Variants in WDR64 observed in about 807,000 individuals in gnomAD.
WDR64 encodes the protein WD repeat-containing protein 64.
In WDR64, 112 loss-of-function variants were observed where a neutral mutation model predicts 139.3. The observed-to-expected ratio is 0.80, with a 90% CI of 0.69 to 0.94. The LOEUF is 0.94. Ranked by LOEUF, WDR64 falls within the 40% of genes least tolerant of loss-of-function variation. The pLI, the probability that WDR64 is intolerant of heterozygous loss-of-function variation, is 0.00. For missense variants in WDR64, 1,206 were observed against 1,293.1 expected (o/e 0.93, Z 1.03); for synonymous variants, 444 against 437.7 (o/e 1.01, Z -0.18).
chr1:241,793,167 T>C (rs1659256478), intron 25 of WDR64, among the ~76,000 whole-genome samples: 2 of 152,162 alleles, frequency 1.3e-5, no homozygotes, highest in Admixed American at 1.3e-4. Context: ...CAGTCAAAAA[T>C]AGGCAAAACA....
At chr1:241,728,903 A>T (rs1280401292) in intron 10 of WDR64, among the ~76,000 whole-genome samples, 1 of 151,902 alleles carries the variant, frequency 6.6e-6, no homozygotes, top group Non-Finnish European at 1.5e-5. Context: ...AAAAGTTGCT[A>T]ATTTTCGTAC....
Position 241,795,249 on chromosome 1 carries a change from GAGGC to G in WDR64, c.3044_3047del (p.Ala1015GlyfsTer18). ...GGAAGGTTTCGTGACTGAAAACAGA[GAGGC>G]AGGGATTGTTTTCGGCTCTCTGCCT... On this transcript the variant is annotated frameshift_variant, in exon 26 of 28. Coordinates refer to ENST00000437684, the MANE Select transcript of WDR64 (RefSeq NM_001367482.1). LOFTEE classifies it high-confidence loss of function. The G allele has an allele frequency of 6.2e-7, 1 of 1,613,906 alleles. No individual in the cohort carries two copies. The highest frequency in any genetic ancestry group is 8.5e-7 in the Non-Finnish European group (1 of 1,179,916).
At chr1:241,672,157 A>T (rs1426632581) in intron 3 of WDR64, among the ~76,000 whole-genome samples, 1 of 152,182 alleles carries the variant, frequency 6.6e-6, no homozygotes, top group Non-Finnish European at 1.5e-5. Context: ...CCTGGGTGAC[A>T]GAGACTCTGT....
Position 241,679,468 on chromosome 1 carries a change from C to A in WDR64, c.514-17C>A, listed in dbSNP as rs1478481312. ...AGGAAATGCATTATATCCCCCAATT[C>A]TCTGCTTTTCTATCAGGACACCTCC... On this transcript the variant is annotated splice_polypyrimidine_tract_variant and intron_variant, in intron 5 of 27. Coordinates refer to ENST00000437684, the MANE Select transcript of WDR64 (RefSeq NM_001367482.1). 4.5e-5 allele frequency: 70 copies of A among 1,547,262 alleles called. No homozygotes were observed. Among genetic ancestry groups the A allele is most frequent in the Non-Finnish European group, 5.7e-5 (65 of 1,142,714 alleles).
intron 8 of WDR64, among the ~76,000 whole-genome samples, chr1:241,708,689 A>G (rs1360118139): frequency 1.0e-5 from 1 of 98,564 alleles, no homozygotes; most frequent in Non-Finnish European, 2.0e-5. Context: ...GCTGAGGTCC[A>G]TGGTTTTTTT....
chr1:241,711,963 C>T (rs1668188113), intron 9 of WDR64, 82 bp downstream of exon 9: 1 of 1,313,224 alleles, frequency 7.6e-7, no homozygotes, highest in Non-Finnish European at 1.1e-6. Context: ...AGGAAGAACA[C>T]ATTAGGGAAT....
intron 4 of WDR64, among the ~76,000 whole-genome samples, chr1:241,676,749 T>G (rs1181835340): frequency 2.0e-5 from 3 of 150,842 alleles, no homozygotes; most frequent in Admixed American, 2.0e-4. Context: ...TTAATGGTTT[T>G]TTTTTTTTTT....
At chr1:241,687,712 A>T in intron 8 of WDR64, 117 bp downstream of exon 8, 1 of 1,059,048 alleles carries the variant, frequency 9.4e-7, no homozygotes, top group Non-Finnish European at 1.3e-6. Flanking sequence ...GACATTAACT[A>T]TTCCATTTGT....
In WDR64 at chr1:241,801,249, A is replaced by T; in HGVS notation, c.*34A>T. 6.3e-7 allele frequency: 1 copy of T among 1,583,454 alleles called. No individual in the cohort carries two copies. Among genetic ancestry groups the T allele is most frequent in the Non-Finnish European group, 8.7e-7 (1 of 1,152,732 alleles). ...AATCAGAAATGGCTGCTGCACATAA[A>T]ATGGCAACGTTTGGATGATACCTGC... is the stretch of plus-strand genomic sequence containing the variant. On this transcript the variant is annotated 3_prime_UTR_variant, in exon 28 of 28. Coordinates refer to ENST00000437684, the MANE Select transcript of WDR64 (RefSeq NM_001367482.1).
chr1:241,798,628 T>C (rs150768619), intron 27 of WDR64, among the ~76,000 whole-genome samples: 11 of 152,286 alleles, frequency 7.2e-5, no homozygotes, highest in Middle Eastern at 3.4e-3. Context: ...ATGAAACAAA[T>C]ATTTATGGAA....
intron 27 of WDR64, among the ~76,000 whole-genome samples, chr1:241,799,493 T>G (rs1659464563): frequency 6.6e-6 from 1 of 152,170 alleles, no homozygotes; most frequent in African/African-American, 2.4e-5. Context: ...ATCTTTATTT[T>G]CAAATCAATG....
chr1:241,801,902 A>C lies in WDR64; in HGVS notation c.*687A>C, dbSNP rs1016995994. On this transcript the variant is annotated 3_prime_UTR_variant, in exon 28 of 28. Transcript: ENST00000437684. ...ATAGGTTAAAGTATGCAAGTTTAAA[A>C]GGTTGTCAGAATGGATTAAAAAAAC... 1 of 398,076 alleles carries C rather than the reference A, an allele frequency of 2.5e-6. No homozygotes were observed. Among genetic ancestry groups the C allele is most frequent in the Admixed American group, 4.4e-5 (1 of 22,714 alleles). The allele number at this position is 398,076 out of a possible 1,614,324, so 24.7% of individuals were successfully genotyped here.
chr1:241,789,346 A>T (rs1358107683), intron 24 of WDR64, among the ~76,000 whole-genome samples: 4 of 152,230 alleles, frequency 2.6e-5, no homozygotes, highest in African/African-American at 9.7e-5. Context: ...TTAAACAGAA[A>T]TATCATTCAA....
At position 241,783,660 on chromosome 1, in the gene WDR64, A is replaced by G. The variant is rs1368873369; in HGVS notation, c.2705+279A>G. 3.3e-5 allele frequency among the ~76,000 whole-genome samples: 5 copies of G among 152,360 alleles called. No individual in the cohort carries two copies. The South Asian group carries it at 6.2e-4, about 19-fold the overall frequency. ...TTTTTTTTGTAGAATTACTTCAAAG[A>G]ATTAAGCAAGATAGCTATCTCGGAG... On this transcript the variant is annotated intron_variant, in intron 23 of 27. Coordinates refer to ENST00000437684, the MANE Select transcript of WDR64 (RefSeq NM_001367482.1).
intron 2 of WDR64, among the ~76,000 whole-genome samples, chr1:241,662,069 T>C (rs1665854512): frequency 6.6e-6 from 1 of 152,196 alleles, no homozygotes; most frequent in Non-Finnish European, 1.5e-5. Flanking sequence ...AAGAATTCAA[T>C]AGCCATCCTT....
intron 10 of WDR64, among the ~76,000 whole-genome samples, chr1:241,736,153 T>A (rs1477831728): frequency 6.6e-6 from 1 of 152,158 alleles, no homozygotes; most frequent in Non-Finnish European, 1.5e-5. Context: ...CTTCTGGTCC[T>A]GTCTGTCTGC....
chr1:241,760,808 C>G (rs1657831556), intron 15 of WDR64, among the ~76,000 whole-genome samples: 1 of 132,416 alleles, frequency 7.6e-6, no homozygotes, highest in Non-Finnish European at 1.6e-5. Flanking sequence ...CTCTTTCGCC[C>G]AAGCTGGACT....
chr1:241,670,922 G>A (rs1202364475), intron 2 of WDR64, among the ~76,000 whole-genome samples, 152 bp from the exon 3 acceptor site: 2 of 152,192 alleles, frequency 1.3e-5, no homozygotes, highest in Admixed American at 6.5e-5. Flanking sequence ...GTATTAAACT[G>A]TCTCCTGGTA....
intron 15 of WDR64, among the ~76,000 whole-genome samples, chr1:241,762,310 T>C (rs978776539): frequency 3.3e-5 from 5 of 152,088 alleles, no homozygotes; most frequent in Admixed American, 6.6e-5. Context: ...GGAATCTTTT[T>C]TTTTTCTGAG....
Sources: allele counts gnomAD v4.1 joint callset (sites outside exome capture counted in the v4.1 genomes callset), GRCh38; gene constraint gnomAD v4.1.1; transcripts MANE v1.5; gene names NCBI Gene and HGNC (gene_info 2026-07-23, HGNC 2026-07-21).